Variants in SLC14A2 observed in about 807,000 individuals in gnomAD.
SLC14A2 encodes solute carrier family 14 member 2, also known as urea transporter 2.
Under a neutral mutation model 104.6 loss-of-function variants are expected in SLC14A2, and 91 were observed. The observed-to-expected ratio is 0.87, with a 90% CI of 0.73 to 1.04. SLC14A2 has a LOEUF of 1.04. SLC14A2 is among the 50% of genes least tolerant of loss of function. The pLI is 0.00. For missense variants in SLC14A2, 1,189 were observed against 1,156.0 expected (o/e 1.03, Z -0.41); for synonymous variants, 476 against 466.4 (o/e 1.02, Z -0.27).
At chr18:45,512,808 T>TG (rs1375147379) in intron 2 of SLC14A2, among the ~76,000 whole-genome samples, 4 of 152,114 alleles carry the variant, frequency 2.6e-5, no homozygotes, top group Non-Finnish European at 5.9e-5. Flanking sequence ...ATTACTGGAT[T>TG]GGGGGGAGCT....
intron 1 of SLC14A2, among the ~76,000 whole-genome samples, chr18:45,275,378 T>G (rs2084691604): frequency 6.6e-6 from 1 of 152,196 alleles, no homozygotes; most frequent in African/African-American, 2.4e-5. Context: ...ACTCAATAAG[T>G]ACTGAACGAA....
chr18:45,232,159 G>C (rs2084181226), intron 1 of SLC14A2, among the ~76,000 whole-genome samples: 1 of 152,180 alleles, frequency 6.6e-6, no homozygotes, highest in Non-Finnish European at 1.5e-5. Context: ...CCATTTATGA[G>C]AAGAGAGGTT....
chr18:45,454,271 G>A (rs942596067), intron 1 of SLC14A2, among the ~76,000 whole-genome samples: 1 of 152,200 alleles, frequency 6.6e-6, no homozygotes, highest in Non-Finnish European at 1.5e-5. Flanking sequence ...GGATCTGAAT[G>A]CATGTTAGAC....
At chr18:45,518,847 G>A (rs2043477764) in intron 2 of SLC14A2, among the ~76,000 whole-genome samples, 1 of 152,214 alleles carries the variant, frequency 6.6e-6, no homozygotes. Flanking sequence ...TCCCTGGAGA[G>A]CAAAGGCCAG....
At chr18:45,623,583 G>A (rs537346226) in intron 1 of SLC14A2, among the ~76,000 whole-genome samples, 1 of 152,338 alleles carries the variant, frequency 6.6e-6, no homozygotes, top group East Asian at 1.9e-4. Context: ...ATTAGGAGGA[G>A]GAGAGGTAAT....
intron 1 of SLC14A2, among the ~76,000 whole-genome samples, chr18:45,265,508 T>C (rs2084583386): frequency 6.6e-6 from 1 of 152,198 alleles, no homozygotes; most frequent in Non-Finnish European, 1.5e-5. Context: ...CAGATATTCA[T>C]TTGCTTTGTG....
intron 1 of SLC14A2, among the ~76,000 whole-genome samples, chr18:45,341,494 C>G (rs2085393364): frequency 6.7e-6 from 1 of 150,276 alleles, no homozygotes; most frequent in Admixed American, 6.7e-5. Context: ...CTTTCACATT[C>G]TATTTGGTGC....
chr18:45,436,329 C>T (rs2086596505), intron 1 of SLC14A2, among the ~76,000 whole-genome samples: 1 of 152,114 alleles, frequency 6.6e-6, no homozygotes, highest in Non-Finnish European at 1.5e-5. Flanking sequence ...ATCTATAGAC[C>T]ACCTTCTCTG....
chr18:45,575,810 AC>A (rs1160939355), intron 2 of SLC14A2, among the ~76,000 whole-genome samples: 2 of 132,238 alleles, frequency 1.5e-5, no homozygotes, highest in Non-Finnish European at 3.3e-5. Context: ...TTTTCTTCCC[AC>A]TTTTTTTTCT....
chr18:45,366,077 C>T (rs896588890), intron 1 of SLC14A2, among the ~76,000 whole-genome samples: 8 of 151,802 alleles, frequency 5.3e-5, no homozygotes, highest in Admixed American at 3.9e-4. Flanking sequence ...AACACCACTA[C>T]AGTTTTTAGT....
At chr18:45,519,319 A>G (rs1185547519) in intron 2 of SLC14A2, among the ~76,000 whole-genome samples, 1 of 152,206 alleles carries the variant, frequency 6.6e-6, no homozygotes, top group East Asian at 1.9e-4. Context: ...TCCCTGGTAG[A>G]TTAGCTACCC....
At chr18:45,305,142 A>T (rs904874035) in intron 1 of SLC14A2, among the ~76,000 whole-genome samples, 3 of 152,190 alleles carry the variant, frequency 2.0e-5, no homozygotes, top group Non-Finnish European at 4.4e-5. Context: ...AGGCCAAAGC[A>T]TTTCAGGAGC....
intron 1 of SLC14A2, among the ~76,000 whole-genome samples, chr18:45,263,924 A>G (rs2084565486): frequency 1.3e-5 from 2 of 152,224 alleles, no homozygotes; most frequent in Non-Finnish European, 2.9e-5. Context: ...AATGGCATTT[A>G]GAAACCAAGA....
chr18:45,410,203 T>C (rs1795793241), intron 1 of SLC14A2, among the ~76,000 whole-genome samples: 1 of 152,194 alleles, frequency 6.6e-6, no homozygotes, highest in Non-Finnish European at 1.5e-5. Context: ...TCAATACAGA[T>C]GAAGCTTCAC....
At chr18:45,209,201 C>A (rs957231679), upstream of SLC14A2, among the ~76,000 whole-genome samples, 1 of 131,430 alleles carries the variant, frequency 7.6e-6, no homozygotes, top group Non-Finnish European at 1.6e-5. Context: ...AAAAAAAAAT[C>A]AGGTGGTGGC....
At chr18:45,244,872 A>T (rs1327116517) in intron 1 of SLC14A2, among the ~76,000 whole-genome samples, 1 of 152,228 alleles carries the variant, frequency 6.6e-6, no homozygotes, top group African/African-American at 2.4e-5. Context: ...CTATTCATTC[A>T]TCCATCTGTC....
intron 1 of SLC14A2, among the ~76,000 whole-genome samples, chr18:45,433,827 C>A (rs548781587): frequency 6.6e-6 from 1 of 152,124 alleles, no homozygotes; most frequent in East Asian, 1.9e-4. Flanking sequence ...CTGAGGATGA[C>A]AATAGTTTTA....
chr18:45,381,614 T>C (rs1242119005), intron 1 of SLC14A2, among the ~76,000 whole-genome samples: 1 of 152,210 alleles, frequency 6.6e-6, no homozygotes, highest in East Asian at 1.9e-4. Context: ...TCCAATTATA[T>C]GGACTATAAG....
chr18:45,589,017 G>C (rs1568288236), intron 2 of SLC14A2, among the ~76,000 whole-genome samples: 2 of 152,062 alleles, frequency 1.3e-5, no homozygotes, highest in South Asian at 2.1e-4. Flanking sequence ...TGAACAAAGA[G>C]AGCAAAGGAG....
Sources: gnomAD v4.1 joint callset for allele counts (sites outside exome capture counted in the v4.1 genomes callset) on GRCh38, gnomAD v4.1.1 for gene constraint, MANE v1.5 for transcripts, NCBI Gene and HGNC (gene_info 2026-07-23, HGNC 2026-07-21) for gene names.